ERICH1: variants seen among roughly 807,000 people sequenced by gnomAD.
The protein encoded by ERICH1 is glutamate-rich protein 1.
ERICH1 carries 56 observed loss-of-function variants against 39.6 expected under a neutral mutation model. The ratio of observed to expected loss-of-function variants is 1.41; its 90% CI spans 1.14 to 1.77. The LOEUF (loss-of-function observed/expected upper bound fraction) is 1.77, where lower values mean the gene tolerates loss of function less well. ERICH1 is among the 40% of genes most tolerant of loss of function. ERICH1 has a pLI of 0.00. For missense variants in ERICH1, 826 were observed against 575.4 expected (o/e 1.44, Z -4.45); for synonymous variants, 313 against 223.6 (o/e 1.40, Z -3.57).
At chr8:710,754 C>A (rs1283409909) in intron 2 of ERICH1, among the ~76,000 whole-genome samples, 1 of 152,232 alleles carries the variant, frequency 6.6e-6, no homozygotes, top group African/African-American at 2.4e-5. Flanking sequence ...GGATGTACCA[C>A]AATTTGCTTA....
At chr8:624,846 C>G (rs1208731529) in intron 3 of ERICH1, among the ~76,000 whole-genome samples, 1 of 152,152 alleles carries the variant, frequency 6.6e-6, no homozygotes, top group Non-Finnish European at 1.5e-5. Flanking sequence ...CCTGCCTCAG[C>G]CTCCAGAGTA....
intron 2 of ERICH1, among the ~76,000 whole-genome samples, chr8:715,511 G>A (rs567365994): frequency 6.6e-6 from 1 of 152,376 alleles, no homozygotes; most frequent in African/African-American, 2.4e-5. Flanking sequence ...GGCCAAGGGG[G>A]CCACCACAGT....
intron 3 of ERICH1, among the ~76,000 whole-genome samples, chr8:637,115 T>A (rs1278973431): frequency 3.3e-5 from 5 of 152,174 alleles, no homozygotes; most frequent in Admixed American, 3.3e-4. Flanking sequence ...CGTTTCTGCT[T>A]CTCTCTTCTC....
At chr8:658,389 G>A (rs1445692816) in intron 3 of ERICH1, among the ~76,000 whole-genome samples, 1 of 152,190 alleles carries the variant, frequency 6.6e-6, no homozygotes, top group Non-Finnish European at 1.5e-5. Context: ...CCGGAAGGGG[G>A]TGGAGACACA....
At chr8:677,893 T>C (rs1407265546) in intron 3 of ERICH1, among the ~76,000 whole-genome samples, 1 of 152,154 alleles carries the variant, frequency 6.6e-6, no homozygotes, top group African/African-American at 2.4e-5. Flanking sequence ...TCCCGGCACG[T>C]CCTTCTCTGC....
At chr8:685,154 G>A (rs1807017555) in intron 3 of ERICH1, among the ~76,000 whole-genome samples, 1 of 152,154 alleles carries the variant, frequency 6.6e-6, no homozygotes, top group Non-Finnish European at 1.5e-5. Flanking sequence ...CCATTTTAGA[G>A]ATCCCCCTCC....
chr8:630,145 C>A (rs1797902604), intron 3 of ERICH1, among the ~76,000 whole-genome samples: 1 of 128,554 alleles, frequency 7.8e-6, no homozygotes, highest in African/African-American at 3.1e-5. Context: ...CTGACTCACA[C>A]CCTCCCGTGA....
chr8:709,508 C>T (rs545498556), intron 2 of ERICH1, among the ~76,000 whole-genome samples: 4 of 152,356 alleles, frequency 2.6e-5, no homozygotes, highest in East Asian at 1.9e-4. Flanking sequence ...TTCTCATTTG[C>T]TCCCTGGAAA....
intron 2 of ERICH1, among the ~76,000 whole-genome samples, chr8:708,690 T>TTGTTTTTTTTTG (rs1359266225): frequency 3.9e-5 from 3 of 77,766 alleles, no homozygotes; most frequent in African/African-American, 1.1e-4. Context: ...AGTTTTTTTT[T>TTGTTTTTTTTTG]TTTTTTTTTT....
chr8:710,867 C>A (rs560167393), intron 2 of ERICH1, among the ~76,000 whole-genome samples: 1 of 152,346 alleles, frequency 6.6e-6, no homozygotes, highest in East Asian at 1.9e-4. Flanking sequence ...CGTTTTCCAT[C>A]TATTTGGATA....
At chr8:626,710 G>A (rs886143752) in intron 3 of ERICH1, 7 of 173,284 alleles carry the variant, frequency 4.0e-5, no homozygotes, top group South Asian at 2.8e-4. Context: ...TCCAGCTGGC[G>A]TCTGTCTCTC....
chr8:683,794 T>C (rs1405057711), intron 3 of ERICH1, among the ~76,000 whole-genome samples: 1 of 152,250 alleles, frequency 6.6e-6, no homozygotes, highest in Admixed American at 6.5e-5. Flanking sequence ...TTGGTTTTCC[T>C]CTGGATGTGA....
chr8:633,458 T>C (rs1213578584), intron 3 of ERICH1, among the ~76,000 whole-genome samples: 3 of 152,300 alleles, frequency 2.0e-5, no homozygotes, highest in South Asian at 2.1e-4. Context: ...GCAATATTTA[T>C]AGGGAGTTTT....
At chr8:643,972 C>A (rs998821785) in intron 3 of ERICH1, among the ~76,000 whole-genome samples, 1 of 152,208 alleles carries the variant, frequency 6.6e-6, no homozygotes, top group East Asian at 1.9e-4. Flanking sequence ...GCACGGTGGG[C>A]CTGACGGGGC....
rs13282994 is a variant in ERICH1, at chr8:629,535, C to G, written c.977-14251G>C. Among the ~76,000 whole-genome samples, 207 of 134,650 alleles carry G rather than the reference C, an allele frequency of 1.5e-3. 1 individual carries two copies. Among genetic ancestry groups the G allele is most frequent in the African/African-American group, 4.5e-3 (152 of 34,094 alleles). 88.3% of individuals were successfully genotyped at this position (134,650 alleles called of 152,430 possible). Reference sequence around the variant, plus strand: ...CCACAGAGACAGAGCTGACACACACCCTCCTGTGAGCACCCACACGGACAG... The same window carrying G: ...CCACAGAGACAGAGCTGACACACACGCTCCTGTGAGCACCCACACGGACAG... On this transcript the variant is annotated intron_variant, in intron 3 of 3. Transcript: ENST00000522706.
At chr8:633,898 A>C (rs1377663160) in intron 3 of ERICH1, among the ~76,000 whole-genome samples, 1 of 152,222 alleles carries the variant, frequency 6.6e-6, no homozygotes, top group Non-Finnish European at 1.5e-5. Flanking sequence ...AAGTACATCA[A>C]AGACCTAAAT....
At chr8:686,101 A>C (rs62487406) in intron 3 of ERICH1, among the ~76,000 whole-genome samples, 27,996 of 152,000 alleles carry the variant, frequency 0.18, 2,916 homozygotes, top group East Asian at 0.42. Flanking sequence ...CAGAGGGTGC[A>C]GTGAGATTGC....
chr8:731,175 G>C lies in ERICH1; in HGVS notation c.-14C>G. On this transcript the variant is annotated 5_prime_UTR_variant, in exon 1 of 6. Coordinates refer to ENST00000262109, the MANE Select transcript of ERICH1 (RefSeq NM_207332.3). Reference sequence around the variant, plus strand: ...GTGCGCCGCCATGCGGGACCCTGCCGCGGACCTCAGACCACGGCGCGCGGT... The same window carrying C: ...GTGCGCCGCCATGCGGGACCCTGCCCCGGACCTCAGACCACGGCGCGCGGT... 1 of 1,503,728 alleles carries C rather than the reference G, an allele frequency of 6.7e-7. No individual in the cohort carries two copies. The highest frequency in any genetic ancestry group is 1.3e-5 in the South Asian group (1 of 79,882). The allele number at this position is 1,503,728 out of a possible 1,614,324, so 93.1% of individuals were successfully genotyped here. A position where few individuals can be genotyped will look rare whatever the true frequency, so the allele number is the denominator to read the frequency against.
chr8:691,916 G>C (rs1808987843), intron 3 of ERICH1, among the ~76,000 whole-genome samples: 1 of 152,102 alleles, frequency 6.6e-6, no homozygotes, highest in South Asian at 2.1e-4. Flanking sequence ...TCCCTTTTAA[G>C]GTAAAAAGTA....
Sources: gnomAD v4.1 joint callset for allele counts (sites outside exome capture counted in the v4.1 genomes callset) on GRCh38, gnomAD v4.1.1 for gene constraint, MANE v1.5 for transcripts, NCBI Gene and HGNC (gene_info 2026-07-23, HGNC 2026-07-21) for gene names.